Variants in FAM193B observed in about 807,000 individuals in gnomAD.
FAM193B encodes family with sequence similarity 193 member B, also known as protein FAM193B.
In FAM193B, 27 loss-of-function variants were observed where a neutral mutation model predicts 70.7. That is an observed-to-expected ratio of 0.38 (90% CI 0.28 to 0.53). The LOEUF (loss-of-function observed/expected upper bound fraction) is 0.53, where lower values mean the gene tolerates loss of function less well. Ranked by LOEUF, FAM193B falls within the 20% of genes least tolerant of loss-of-function variation. The pLI, the probability that FAM193B is intolerant of heterozygous loss-of-function variation, is 0.81. For synonymous variants in FAM193B, 448 were observed against 436.0 expected, an observed-to-expected ratio of 1.03 and a Z score of -0.34; for missense variants, 1,022 against 1,072.5, an observed-to-expected ratio of 0.95 and a Z score of 0.66.
At chr5:177,553,080 G>T in intron 1 of FAM193B, 1 of 649,704 alleles carries the variant, frequency 1.5e-6, no homozygotes, top group Non-Finnish European at 1.9e-6. Context: ...GGCACAGAGG[G>T]CTGTGGGCAC....
chr5:177,553,909 G>C, intron 1 of FAM193B: 1 of 1,217,086 alleles, frequency 8.2e-7, no homozygotes, highest in Non-Finnish European at 1.0e-6. Flanking sequence ...AGGTGGGCCC[G>C]GGGGAGGTGG....
rs1452835303 is a variant in FAM193B, at chr5:177,525,203, T to C, written c.1278A>G (p.Glu426=). 2.1e-6 allele frequency: 3 copies of C among 1,444,828 alleles called. No individual in the cohort carries two copies. Among genetic ancestry groups the C allele is most frequent in the Non-Finnish European group, 2.7e-6 (3 of 1,093,498 alleles). The allele number at this position is 1,444,828 out of a possible 1,614,324, so 89.5% of individuals were successfully genotyped here. The change falls in exon 6 of 9, where the codon GAA becomes GAG. Residue 426 remains glutamate, a splice_region_variant and synonymous_variant. Transcript: ENST00000514747. The part of the protein sequence containing the change: ...CYCEFFGHNA[E]KEKAQLAAEA... ...CTGCTGCCAACTGGGCCTTCTCCTT[T>C]TCCTGCCAAGGCAAGAGGCAGTTTT... is the stretch of plus-strand genomic sequence containing the variant.
intron 5 of FAM193B, among the ~76,000 whole-genome samples, chr5:177,530,315 GTCAACATGCC>G (rs1310808574): frequency 2.0e-5 from 3 of 152,304 alleles, no homozygotes; most frequent in Non-Finnish European, 4.4e-5. Context: ...GAACCTTCGA[GTCAACATGCC>G]TCAACTGAAT....
Position 177,524,389 on chromosome 5 carries a change from G to GCCGGCTCCC in FAM193B, c.2083_2091dup (p.Gly695_Arg697dup), listed in dbSNP as rs368000880. ...GGACTGCCAGCCCAACCTGGTCCTG[G>GCCGGCTCCC]CCGGCTCCCCCGGCTCCCCTCTCCA... On this transcript the variant is annotated inframe_insertion, in exon 6 of 9. Transcript: ENST00000514747. 6.4e-7 allele frequency: 1 copy of GCCGGCTCCC among 1,573,824 alleles called. No homozygotes were observed. Among genetic ancestry groups the GCCGGCTCCC allele is most frequent in the Non-Finnish European group, 8.6e-7 (1 of 1,160,588 alleles).
intron 5 of FAM193B, among the ~76,000 whole-genome samples, chr5:177,528,860 T>G (rs1763029127): frequency 6.6e-6 from 1 of 152,102 alleles, no homozygotes; most frequent in Admixed American, 6.5e-5. Flanking sequence ...TGCCACAGAT[T>G]CACTCATGTG....
rs762177379 is a variant in FAM193B, at chr5:177,538,894, C to A, written c.453+11G>T. The A allele has an allele frequency of 1.2e-6, 2 of 1,612,888 alleles. No individual in the cohort carries two copies. The highest frequency in any genetic ancestry group is 1.7e-6 in the Non-Finnish European group (2 of 1,179,164). On this transcript the variant is annotated intron_variant, in intron 2 of 8. Transcript: ENST00000514747. This position sits in a 1 kb window ranked among gnomAD's most constrained non-coding sequence, Gnocchi z 4.1. ...TCCTGCATTCAGGGACCCCTGTCAG[C>A]GGTTACCTACCGCCACTGCATGTTC...
chr5:177,549,576 C>T (rs1400645696), intron 1 of FAM193B, among the ~76,000 whole-genome samples: 2 of 152,200 alleles, frequency 1.3e-5, no homozygotes, highest in Non-Finnish European at 2.9e-5. Context: ...AGGATTTGAA[C>T]CTTTATTCAG....
intron 1 of FAM193B, among the ~76,000 whole-genome samples, chr5:177,546,330 CTGGTAG>C (rs1765419354): frequency 6.6e-6 from 1 of 152,106 alleles, no homozygotes; most frequent in Admixed American, 6.5e-5. Flanking sequence ...TCCTAAATTC[CTGGTAG>C]AATGTGAGCC....
At chr5:177,521,347 T>C (rs1300716844) in intron 8 of FAM193B, among the ~76,000 whole-genome samples, 1 of 152,222 alleles carries the variant, frequency 6.6e-6, no homozygotes, top group Non-Finnish European at 1.5e-5. Flanking sequence ...AAAGGACCTG[T>C]GTGGGTGGCT....
In FAM193B at chr5:177,524,766, C is replaced by G. The variant is rs1253585075; in HGVS notation, c.1715G>C (p.Gly572Ala). 1.3e-6 allele frequency: 2 copies of G among 1,527,688 alleles called. No homozygotes were observed. The highest frequency in any genetic ancestry group is 2.8e-5 in the African/African-American group (2 of 72,046). The allele number at this position is 1,527,688 out of a possible 1,614,324, so 94.6% of individuals were successfully genotyped here. ...GPHPPWTEVRGPPPGIVPENG... is the reference protein window; with the variant it reads ...GPHPPWTEVRAPPPGIVPENG... ...CTCGGGGACGATACCGGGAGGGGGC[C>G]CCCTCACCTCTGTCCATGGTGGGTG... Residue 572 changes from glycine (G) to alanine (A), a missense_variant, in exon 6 of 9, where the codon GGG (glycine) becomes GCG (alanine). Physicochemically the swap from Gly to Ala is moderately conservative, Grantham distance 60 (BLOSUM62 0). Transcript: ENST00000514747.
rs750651608 is a variant in FAM193B, at chr5:177,537,891, T to A, written c.670A>T (p.Ser224Cys). The A allele has an allele frequency of 3.5e-5, 56 of 1,607,908 alleles. No individual in the cohort carries two copies. The highest frequency in any genetic ancestry group is 4.7e-5 in the Non-Finnish European group (55 of 1,177,262). Reference protein sequence around the residue: ...SGAMPGSSLGSPPTIPGEAFP... With the variant: ...SGAMPGSSLGCPPTIPGEAFP... ...GACTCACCGGGGATGGTAGGAGGAC[T>A]CCCAAGAGAGCTGCCTGGCATGGCC... The change falls in exon 3 of 9, where the codon AGT (serine) becomes TGT (cysteine). Residue 224 changes from serine (S) to cysteine (C), a missense_variant. By Grantham distance (112) the Ser-to-Cys change is moderately radical. Coordinates refer to ENST00000514747, the MANE Select transcript of FAM193B (RefSeq NM_001190946.3).
At position 177,536,633 on chromosome 5, in the gene FAM193B, G is replaced by A; in HGVS notation, c.801C>T (p.Ser267=). 6.4e-7 allele frequency: 1 copy of A among 1,562,674 alleles called. No homozygotes were observed. Among genetic ancestry groups the A allele is most frequent in the African/African-American group, 1.4e-5 (1 of 72,712 alleles). The part of the protein sequence containing the change: ...QPASLIPSHP[S]SFGSPPHPHL... ...GTGGGTGGGGTGGGGAGCCAAAGGA[G>A]CTGGGGTGAGACGGGATTAGAGATG... The change falls in exon 4 of 9, where the codon AGC becomes AGT. Residue 267 remains serine, a synonymous_variant. Coordinates refer to ENST00000514747, the MANE Select transcript of FAM193B (RefSeq NM_001190946.3).
chr5:177,542,087 A>G (rs1764924733), intron 1 of FAM193B, among the ~76,000 whole-genome samples: 1 of 152,276 alleles, frequency 6.6e-6, no homozygotes. Flanking sequence ...TTTTGTAGTT[A>G]TAACCGACAA....
Position 177,524,481 on chromosome 5 carries a change from T to C in FAM193B, c.2000A>G (p.Gln667Arg), listed in dbSNP as rs1762279792. The change falls in exon 6 of 9, where the codon CAG becomes CGG. Residue 667 changes from glutamine (Q) to arginine (R), a missense_variant. Physicochemically the swap from Gln to Arg is conservative, Grantham distance 43 (BLOSUM62 1). Transcript: ENST00000514747. ...ASLEVPSAKG[Q>R]VAGPKQPGRV... is the part of the protein sequence containing the mutation. ...GCCTGGCTGCTTGGGGCCAGCGACC[T>C]GGCCCTTGGCACTGGGAACCTCTAG... 1 of 1,612,404 alleles carries C rather than the reference T, an allele frequency of 6.2e-7. No homozygotes were observed. The highest frequency in any genetic ancestry group is 1.3e-5 in the African/African-American group (1 of 74,912).
chr5:177,532,963 GTT>G lies in FAM193B; in HGVS notation c.1077-324_1077-323del, dbSNP rs1763711722. 6.6e-6 allele frequency among the ~76,000 whole-genome samples: 1 copy of G among 152,228 alleles called. No homozygotes were observed. Among genetic ancestry groups the G allele is most frequent in the African/African-American group, 2.4e-5 (1 of 41,448 alleles). Reference sequence around the variant, plus strand: ...TTATTGTGCGTCACTGTCATGGTCTGTTTGCGCATTTGTCTCTCAAACTGGAC... The same window carrying G: ...TTATTGTGCGTCACTGTCATGGTCTGTGCGCATTTGTCTCTCAAACTGGAC... On this transcript the variant is annotated intron_variant, in intron 4 of 8. Transcript: ENST00000514747. The surrounding 1 kb of genome is among the most constrained non-coding windows in gnomAD (Gnocchi z 4.9).
intron 1 of FAM193B, among the ~76,000 whole-genome samples, chr5:177,540,283 G>C (rs1764694528): frequency 6.7e-6 from 1 of 150,014 alleles, no homozygotes. Flanking sequence ...CTCCAGCCTG[G>C]GCGACAGAGC....
chr5:177,554,399 G>T lies in FAM193B; in HGVS notation c.60C>A (p.Ala20=), dbSNP rs1279012546. Residue 20 remains alanine (A), a synonymous_variant, in exon 1 of 9, where the codon GCC becomes GCA. Coordinates refer to ENST00000514747, the MANE Select transcript of FAM193B (RefSeq NM_001190946.3). ...GGAGRRERAR[A]AGPQKPQAPE... Reference sequence around the variant, plus strand: ...GCGCCTGGGGCTTCTGCGGCCCCGCGGCCCGAGCCCGCTCGCGCCTGCCCG... The same window carrying T: ...GCGCCTGGGGCTTCTGCGGCCCCGCTGCCCGAGCCCGCTCGCGCCTGCCCG... The T allele has an allele frequency of 2.6e-6, 3 of 1,157,440 alleles. No individual in the cohort carries two copies. The highest frequency in any genetic ancestry group is 3.2e-6 in the Non-Finnish European group (3 of 941,072). The allele number at this position is 1,157,440 out of a possible 1,614,324, so 71.7% of individuals were successfully genotyped here.
Position 177,538,081 on chromosome 5 carries a change from T to C in FAM193B, c.480A>G (p.Lys160=). 1 of 1,547,404 alleles carries C rather than the reference T, an allele frequency of 6.5e-7. No individual in the cohort carries two copies. Among genetic ancestry groups the C allele is most frequent in the Non-Finnish European group, 8.7e-7 (1 of 1,143,166 alleles). Residue 160 remains lysine (K), a synonymous_variant, in exon 3 of 9, where the codon AAA becomes AAG. Transcript: ENST00000514747. The surrounding 1 kb of genome is among the most constrained non-coding windows in gnomAD (Gnocchi z 4.1). ...VAISLSHTSC[K]SQSCGDDSHS... ...GAGAGTCATCTCCACAAGACTGTGA[T>C]TTGCAGGATGTGTGTGACAAGGAGA...
At chr5:177,554,121 C>G in intron 1 of FAM193B, 128 bp downstream of exon 1, 1 of 1,406,512 alleles carries the variant, frequency 7.1e-7, no homozygotes, top group Non-Finnish European at 9.3e-7. Flanking sequence ...GCTTCGGCGC[C>G]GGACCCGGGG....
Sources: allele counts gnomAD v4.1 joint callset (sites outside exome capture counted in the v4.1 genomes callset), GRCh38; gene constraint gnomAD v4.1.1; non-coding constraint Gnocchi (gnomAD v3.1); transcripts MANE v1.5; gene names NCBI Gene and HGNC (gene_info 2026-07-23, HGNC 2026-07-21).